DNAJC5: variants seen among roughly 807,000 people sequenced by gnomAD.
DNAJC5 encodes the protein dnaJ homolog subfamily C member 5.
DNAJC5 carries 1 observed loss-of-function variant against 23.2 expected under a neutral mutation model. The observed-to-expected ratio is 0.04, with a 90% CI of 0.02 to 0.20. The LOEUF is 0.20. DNAJC5 is among the 10% of genes least tolerant of loss of function. The pLI is 1.00. For synonymous variants in DNAJC5, 136 were observed against 120.0 expected (o/e 1.13, Z -0.87); for missense variants, 180 against 267.0 (o/e 0.67, Z 2.27).
At chr20:63,915,965 G>C (rs6062583) in intron 1 of DNAJC5, among the ~76,000 whole-genome samples, 3 of 152,084 alleles carry the variant, frequency 2.0e-5, no homozygotes, top group African/African-American at 7.2e-5. Context: ...GCAGAGTCTC[G>C]CTTTGTCACT....
Position 63,900,996 on chromosome 20 carries a change from G to A in DNAJC5, c.-12+5673G>A, listed in dbSNP as rs192058363. On this transcript the variant is annotated intron_variant, in intron 1 of 4. Transcript: ENST00000360864. ...CTTTGTTTGTTTGAGACGGAGTCTC[G>A]CTCTGTCATCCAGGCTGGAGTGCAG... 1.7e-4 allele frequency among the ~76,000 whole-genome samples: 26 copies of A among 152,296 alleles called. No homozygotes were observed. In the East Asian group the frequency reaches 4.6e-3, roughly 27 times the overall value.
rs1322464138 is a variant in DNAJC5, at chr20:63,929,960, C to T, written c.321+435C>T. Among the ~76,000 whole-genome samples the T allele has an allele frequency of 6.6e-6, 1 of 152,254 alleles. No homozygotes were observed. The highest frequency in any genetic ancestry group is 1.5e-5 in the Non-Finnish European group (1 of 68,046). On this transcript the variant is annotated intron_variant, in intron 3 of 4. Coordinates refer to ENST00000360864, the MANE Select transcript of DNAJC5 (RefSeq NM_025219.3). This position sits in a 1 kb window ranked among gnomAD's most constrained non-coding sequence, Gnocchi z 8.6. ...CGTACAGATTGTCCCAGGGAAGAGC[C>T]GTGCGGAGCCGCCAGGGTTTCTTCT...
At chr20:63,908,656 C>T (rs2053462482) in intron 1 of DNAJC5, among the ~76,000 whole-genome samples, 2 of 152,214 alleles carry the variant, frequency 1.3e-5, no homozygotes, top group Admixed American at 6.5e-5. Context: ...AGATAAAGTT[C>T]TAGCCTGGCA....
In DNAJC5 at chr20:63,920,161, G is replaced by A. The variant is rs1166708246; in HGVS notation, c.-11-8174G>A. Among the ~76,000 whole-genome samples the A allele has an allele frequency of 3.3e-5, 5 of 152,344 alleles. No individual in the cohort carries two copies. Among genetic ancestry groups the A allele is most frequent in the African/African-American group, 1.2e-4 (5 of 41,590 alleles). ...CGCACAGGACAGCGCCACGGAAGAGGACGCACCCGGCTGTGTGGCAGGGGA... is the reference window on the plus strand; with the variant it reads ...CGCACAGGACAGCGCCACGGAAGAGAACGCACCCGGCTGTGTGGCAGGGGA... On this transcript the variant is annotated intron_variant, in intron 1 of 4. Coordinates refer to ENST00000360864, the MANE Select transcript of DNAJC5 (RefSeq NM_025219.3). The surrounding 1 kb of genome is among the most constrained non-coding windows in gnomAD (Gnocchi z 4.6).
intron 1 of DNAJC5, among the ~76,000 whole-genome samples, chr20:63,926,602 T>A (rs1039347787): frequency 5.3e-5 from 8 of 152,214 alleles, no homozygotes; most frequent in African/African-American, 1.9e-4. Flanking sequence ...TGCTCTGCCA[T>A]TTGCTGAAGA....
At chr20:63,900,229 A>G (rs1365068779) in intron 1 of DNAJC5, among the ~76,000 whole-genome samples, 1 of 151,968 alleles carries the variant, frequency 6.6e-6, no homozygotes. Flanking sequence ...TGATCGTCCA[A>G]CCAGCATCTC....
chr20:63,903,682 G>A (rs1395479416), intron 1 of DNAJC5, among the ~76,000 whole-genome samples: 3 of 151,400 alleles, frequency 2.0e-5, no homozygotes, highest in Non-Finnish European at 4.4e-5. Flanking sequence ...AGGCTTAGTG[G>A]TTTAAGCCTG....
At chr20:63,900,788 G>C (rs2053406658) in intron 1 of DNAJC5, among the ~76,000 whole-genome samples, 1 of 152,174 alleles carries the variant, frequency 6.6e-6, no homozygotes, top group Non-Finnish European at 1.5e-5. Context: ...TTTGTGTTGT[G>C]TTGTGAGTGC....
chr20:63,935,641 C>T lies in DNAJC5; in HGVS notation c.*4073C>T, dbSNP rs2146315470. On this transcript the variant is annotated 3_prime_UTR_variant, in exon 5 of 5. Transcript: ENST00000360864. ...GGCCCTGTGCTGGCCCCGGGTCCGC[C>T]CCAGAGGAGTCCACACAGCACCACC... 6.6e-6 allele frequency: 1 copy of T among 152,366 alleles called. No homozygotes were observed. The allele number at this position is 152,366 out of a possible 1,614,324, so 9.4% of individuals were successfully genotyped here.
At chr20:63,927,224 CAA>C (rs1352952814) in intron 1 of DNAJC5, among the ~76,000 whole-genome samples, 1 of 151,558 alleles carries the variant, frequency 6.6e-6, no homozygotes, top group African/African-American at 2.4e-5. Flanking sequence ...AATGTAGAAA[CAA>C]TGTGTATTTG....
intron 1 of DNAJC5, among the ~76,000 whole-genome samples, chr20:63,917,549 A>G (rs1226174889): frequency 7.0e-6 from 1 of 143,780 alleles, no homozygotes; most frequent in African/African-American, 2.6e-5. Context: ...CACTGCATCC[A>G]GCCTTATTAT....
chr20:63,909,979 C>T (rs1341221772), intron 1 of DNAJC5, among the ~76,000 whole-genome samples: 1 of 152,326 alleles, frequency 6.6e-6, no homozygotes, highest in East Asian at 1.9e-4. Context: ...TTAAGGTTTT[C>T]TGGAATATTT....
At chr20:63,903,232 C>A (rs1172619696) in intron 1 of DNAJC5, among the ~76,000 whole-genome samples, 1 of 152,104 alleles carries the variant, frequency 6.6e-6, no homozygotes, top group Non-Finnish European at 1.5e-5. Context: ...CAAGGTGGTG[C>A]ATGCCTACAG....
chr20:63,908,358 T>G (rs1158377775), intron 1 of DNAJC5, among the ~76,000 whole-genome samples: 3 of 152,212 alleles, frequency 2.0e-5, no homozygotes, highest in African/African-American at 7.2e-5. Context: ...CTGGAAGTGC[T>G]GGAAATACCC....
At chr20:63,919,028 G>C (rs1235058396) in intron 1 of DNAJC5, among the ~76,000 whole-genome samples, 1 of 152,240 alleles carries the variant, frequency 6.6e-6, no homozygotes, top group Admixed American at 6.5e-5. Context: ...TTCCCCAACA[G>C]TAGTTTGAGT....
chr20:63,909,526 CA>C (rs1291062243), intron 1 of DNAJC5, among the ~76,000 whole-genome samples: 1 of 147,596 alleles, frequency 6.8e-6, no homozygotes, highest in Non-Finnish European at 1.5e-5. Context: ...AGAACAACAA[CA>C]AAAAATTAGC....
chr20:63,917,829 T>G (rs1226854165), intron 1 of DNAJC5, among the ~76,000 whole-genome samples: 1 of 152,206 alleles, frequency 6.6e-6, no homozygotes, highest in African/African-American at 2.4e-5. Context: ...AGTTCTGGGA[T>G]TATTTTTTAA....
chr20:63,897,144 C>A (rs774531589), intron 1 of DNAJC5, among the ~76,000 whole-genome samples: 2 of 152,244 alleles, frequency 1.3e-5, no homozygotes, highest in Non-Finnish European at 2.9e-5. Flanking sequence ...CCTGTAATCT[C>A]AGCACTTTAG....
At chr20:63,908,792 C>T (rs921140761) in intron 1 of DNAJC5, among the ~76,000 whole-genome samples, 1 of 151,828 alleles carries the variant, frequency 6.6e-6, no homozygotes, top group African/African-American at 2.4e-5. Context: ...AGAGTGAGAC[C>T]CCATCTCAAA....
Sources: allele counts gnomAD v4.1 joint callset (sites outside exome capture counted in the v4.1 genomes callset), GRCh38; gene constraint gnomAD v4.1.1; non-coding constraint Gnocchi (gnomAD v3.1); transcripts MANE v1.5; gene names NCBI Gene and HGNC (gene_info 2026-07-23, HGNC 2026-07-21).